Variants in CDH4 observed in about 807,000 individuals in gnomAD.
CDH4 encodes cadherin-4.
A neutral mutation model predicts 86.0 loss-of-function variants in CDH4; 33 were observed. The observed-to-expected ratio is 0.38, with a 90% CI of 0.29 to 0.51. CDH4 has a LOEUF of 0.51. Ranked by LOEUF, CDH4 falls within the 20% of genes least tolerant of loss-of-function variation. CDH4 has a pLI of 0.86. For synonymous variants in CDH4, 555 were observed against 549.4 expected, an observed-to-expected ratio of 1.01 and a Z score of -0.14; for missense variants, 1,114 against 1,307.4, an observed-to-expected ratio of 0.85 and a Z score of 2.28.
intron 2 of CDH4, among the ~76,000 whole-genome samples, chr20:61,726,471 C>T (rs1472182945): frequency 2.0e-5 from 3 of 152,146 alleles, no homozygotes; most frequent in Non-Finnish European, 4.4e-5. Context: ...ATAGTAGTCC[C>T]AGCCTAAGGG....
intron 2 of CDH4, among the ~76,000 whole-genome samples, chr20:61,665,869 A>T (rs969035744): frequency 6.6e-6 from 1 of 152,138 alleles, no homozygotes; most frequent in Non-Finnish European, 1.5e-5. Context: ...CTGCCAAGCG[A>T]TATTGGCTGT....
intron 2 of CDH4, among the ~76,000 whole-genome samples, chr20:61,668,997 G>C (rs948414358): frequency 6.6e-6 from 1 of 152,200 alleles, no homozygotes; most frequent in Non-Finnish European, 1.5e-5. Flanking sequence ...TGTTCCAGGA[G>C]GACCCCTGTC....
At chr20:61,801,836 C>T (rs1413391861) in intron 4 of CDH4, among the ~76,000 whole-genome samples, 4 of 152,244 alleles carry the variant, frequency 2.6e-5, no homozygotes, top group African/African-American at 9.6e-5. Flanking sequence ...TTCACATGGC[C>T]TTGAGGGGCC....
chr20:61,873,677 G>A, intron 6 of CDH4, 51 bp from the exon 7 acceptor site: 1 of 1,582,406 alleles, frequency 6.3e-7, no homozygotes, highest in Non-Finnish European at 8.6e-7. Context: ...GTGCGGGGGT[G>A]GCAGCCTGTG....
chr20:61,410,754 C>T (rs953290973), intron 2 of CDH4, among the ~76,000 whole-genome samples: 2 of 152,052 alleles, frequency 1.3e-5, no homozygotes, highest in Non-Finnish European at 2.9e-5. Context: ...ACTGGTCCAT[C>T]TATCCATCCA....
intron 2 of CDH4, among the ~76,000 whole-genome samples, chr20:61,320,117 AGGTGGGACT>A (rs1026994248): frequency 1.6e-4 from 24 of 152,226 alleles, no homozygotes; most frequent in Admixed American, 9.8e-4. Context: ...AGCATCTCCC[AGGTGGGACT>A]GTTCCCTCTC....
At chr20:61,499,622 C>A in intron 2 of CDH4, 2 of 815,634 alleles carry the variant, frequency 2.5e-6, no homozygotes, top group South Asian at 3.2e-5. Flanking sequence ...GAATTTAGAC[C>A]TCAGCCTGCA....
At chr20:61,552,313 T>C (rs1188036673) in intron 2 of CDH4, among the ~76,000 whole-genome samples, 1 of 152,178 alleles carries the variant, frequency 6.6e-6, no homozygotes, top group Admixed American at 6.5e-5. Flanking sequence ...AGCAAAAGTT[T>C]TGAATATTTT....
intron 2 of CDH4, among the ~76,000 whole-genome samples, chr20:61,460,232 T>C (rs771048786): frequency 3.9e-5 from 6 of 152,204 alleles, no homozygotes; most frequent in Non-Finnish European, 7.3e-5. Context: ...GGACTTTTCA[T>C]TGGTGCCTCT....
At chr20:61,925,608 C>T (rs1368968482) in intron 11 of CDH4, among the ~76,000 whole-genome samples, 1 of 152,250 alleles carries the variant, frequency 6.6e-6, no homozygotes, top group African/African-American at 2.4e-5. Context: ...CAGTGACGCC[C>T]TGCTGTGGCT....
At chr20:61,630,435 G>A (rs1349543755) in intron 2 of CDH4, among the ~76,000 whole-genome samples, 1 of 152,164 alleles carries the variant, frequency 6.6e-6, no homozygotes, top group Non-Finnish European at 1.5e-5. Context: ...AGGGCTTGTG[G>A]TTTAGCTCAA....
chr20:61,428,811 G>C (rs79490524), intron 2 of CDH4, among the ~76,000 whole-genome samples: 1 of 152,154 alleles, frequency 6.6e-6, no homozygotes, highest in Admixed American at 6.5e-5. Flanking sequence ...TTTTAACTAA[G>C]TCGATGGGGA....
At chr20:61,698,197 G>A (rs537270867) in intron 2 of CDH4, among the ~76,000 whole-genome samples, 3 of 152,302 alleles carry the variant, frequency 2.0e-5, no homozygotes, top group Admixed American at 6.5e-5. Context: ...AGACTCTCCC[G>A]CCCTCACGCC....
intron 2 of CDH4, among the ~76,000 whole-genome samples, chr20:61,572,206 C>A (rs368324528): frequency 1.3e-5 from 2 of 152,270 alleles, no homozygotes; most frequent in East Asian, 3.9e-4. Context: ...CGTGTTAAGT[C>A]CAATTTCACT....
At chr20:61,403,411 T>C (rs1333360099) in intron 2 of CDH4, among the ~76,000 whole-genome samples, 1 of 152,180 alleles carries the variant, frequency 6.6e-6, no homozygotes, top group Non-Finnish European at 1.5e-5. Flanking sequence ...GCGGTGGTAC[T>C]GAGTCCCAGT....
At chr20:61,757,813 ACT>A (rs2088583776) in intron 3 of CDH4, among the ~76,000 whole-genome samples, 1 of 151,768 alleles carries the variant, frequency 6.6e-6, no homozygotes, top group African/African-American at 2.4e-5. Flanking sequence ...AGTGGTACAG[ACT>A]CTGTGTCACC....
chr20:61,718,637 A>T, intron 2 of CDH4: 1 of 378,608 alleles, frequency 2.6e-6, no homozygotes. Flanking sequence ...AGGTGAACAG[A>T]AGCCTTTCAA....
At chr20:61,738,705 C>T (rs2145935922) in intron 2 of CDH4, 1 of 152,438 alleles carries the variant, frequency 6.6e-6, no homozygotes, top group Non-Finnish European at 1.5e-5. Context: ...CCCCCATCCT[C>T]CACCAGGCTT....
chr20:61,666,706 C>T (rs979380727), intron 2 of CDH4, among the ~76,000 whole-genome samples: 1 of 152,214 alleles, frequency 6.6e-6, no homozygotes, highest in Non-Finnish European at 1.5e-5. Flanking sequence ...CCCCTCCGCC[C>T]CAGATCGCCA....
Sources: allele counts gnomAD v4.1 joint callset (sites outside exome capture counted in the v4.1 genomes callset), GRCh38; gene constraint gnomAD v4.1.1; transcripts MANE v1.5; gene names NCBI Gene and HGNC (gene_info 2026-07-23, HGNC 2026-07-21).